Variants in CEACAM19 observed in about 807,000 individuals in gnomAD.
CEACAM19 encodes CEA cell adhesion molecule 19.
A neutral mutation model predicts 37.6 loss-of-function variants in CEACAM19; 37 were observed. That is an observed-to-expected ratio of 0.98 (90% confidence interval 0.76 to 1.29). The LOEUF (loss-of-function observed/expected upper bound fraction) is 1.29. CEACAM19 is among the 50% of genes most tolerant of loss of function. The pLI, the probability that CEACAM19 is intolerant of heterozygous loss-of-function variation, is 0.00. For synonymous variants in CEACAM19, 140 were observed against 149.8 expected (o/e 0.93, Z 0.48); for missense variants, 340 against 375.6 (o/e 0.91, Z 0.78).
At position 44,672,980 on chromosome 19, in the gene CEACAM19, T is replaced by G; in HGVS notation, c.424+16T>G. The G allele has an allele frequency of 6.9e-7, 1 of 1,459,414 alleles. No homozygotes were observed. The highest frequency in any genetic ancestry group is 9.1e-7 in the Non-Finnish European group (1 of 1,102,734). The allele number at this position is 1,459,414 out of a possible 1,614,324, so 90.4% of individuals were successfully genotyped here. ...CAGGTAGCTGGTAAGTGTTAGGGTCTGGGGATGAGGTGAGGAAGCTAATGA... is the reference window on the plus strand; with the variant it reads ...CAGGTAGCTGGTAAGTGTTAGGGTCGGGGGATGAGGTGAGGAAGCTAATGA... On this transcript the variant is annotated intron_variant, in intron 2 of 7. Coordinates refer to ENST00000358777, the MANE Select transcript of CEACAM19 (RefSeq NM_001127893.3).
At chr19:44,682,790 C>A (rs185503775) in intron 7 of CEACAM19, 170 bp downstream of exon 7, 9 of 593,398 alleles carry the variant, frequency 1.5e-5, no homozygotes, top group Non-Finnish European at 2.6e-5. Flanking sequence ...CCCTGAGAGA[C>A]CCTGGCAAGT....
intron 2 of CEACAM19, among the ~76,000 whole-genome samples, chr19:44,674,701 C>A (rs1228861350): frequency 6.6e-6 from 1 of 152,186 alleles, no homozygotes. Flanking sequence ...CCACCCCTGG[C>A]CCCTAGTTAA....
At position 44,680,305 on chromosome 19, in the gene CEACAM19, A is replaced by G; in HGVS notation, c.677A>G (p.Lys226Arg). The change falls in exon 5 of 8, where the codon AAG (lysine) becomes AGG (arginine). Residue 226 changes from lysine (K) to arginine (R), a missense_variant. Lys to Arg is a conservative substitution (Grantham distance 26). Coordinates refer to ENST00000358777, the MANE Select transcript of CEACAM19 (RefSeq NM_001127893.3). ...GTCCCCAGGATGGCGACCACAGAGA[A>G]GCCAGAATTGGGCCCTGCTCATGAT... ...TPSTWMATTE[K>R]PELGPAHDAG... 1.2e-6 allele frequency: 2 copies of G among 1,610,282 alleles called. No individual in the cohort carries two copies. The highest frequency in any genetic ancestry group is 1.7e-6 in the Non-Finnish European group (2 of 1,179,362).
At chr19:44,670,321 T>G (rs539209179), upstream of CEACAM19, among the ~76,000 whole-genome samples, 2 of 143,788 alleles carry the variant, frequency 1.4e-5, no homozygotes, top group Non-Finnish European at 3.1e-5. Flanking sequence ...AGACCCTGTC[T>G]TAAAAAAAAA....
chr19:44,670,856 G>A (rs948724664), upstream of CEACAM19, among the ~76,000 whole-genome samples: 129 of 150,524 alleles, frequency 8.6e-4, no homozygotes, highest in African/African-American at 3.1e-3. Context: ...AGCACTTTGG[G>A]AGGCCAAGGT....
chr19:44,680,503 GCA>G lies in CEACAM19; in HGVS notation c.706+171_706+172del, dbSNP rs1974037765. ...TCACCCACATAATCTGAGCGCATCG[GCA>G]CCCACCCCAAACCTGCTTTTTCTCT... On this transcript the variant is annotated intron_variant, in intron 5 of 7. Coordinates refer to ENST00000358777, the MANE Select transcript of CEACAM19 (RefSeq NM_001127893.3). 2.6e-5 allele frequency among the ~76,000 whole-genome samples: 4 copies of G among 151,456 alleles called. No individual in the cohort carries two copies. In the East Asian group the frequency reaches 7.8e-4, roughly 29 times the overall value.
In CEACAM19 at chr19:44,676,491, C is replaced by T. The variant is rs1973953570; in HGVS notation, c.575+70C>T. The T allele has an allele frequency of 2.8e-5, 41 of 1,457,282 alleles. 1 individual carries two copies. In the South Asian group the frequency reaches 4.4e-4, roughly 16 times the overall value. The allele number at this position is 1,457,282 out of a possible 1,614,324, so 90.3% of individuals were successfully genotyped here. ...TTCTCAAGCCCCATGGATTCTTCCA[C>T]AAGTCACATCATCCGGCTCATACAC... On this transcript the variant is annotated intron_variant, in intron 3 of 7. Coordinates refer to ENST00000358777, the MANE Select transcript of CEACAM19 (RefSeq NM_001127893.3).
chr19:44,668,387 T>C, upstream of CEACAM19, among the ~76,000 whole-genome samples: 1 of 53,256 alleles, frequency 1.9e-5, no homozygotes, highest in African/African-American at 7.4e-5. Context: ...ATATATATAA[T>C]ATATTTATAT....
chr19:44,672,190 T>C (rs1046086170), intron 1 of CEACAM19, among the ~76,000 whole-genome samples: 1 of 152,188 alleles, frequency 6.6e-6, no homozygotes, highest in Admixed American at 6.5e-5. Flanking sequence ...CAGGAATTTA[T>C]GTATGTTTGG....
At chr19:44,668,571 A>AATTATATAATTATATACATATATAATATG (rs1973795817), upstream of CEACAM19, among the ~76,000 whole-genome samples, 4 of 85,104 alleles carry the variant, frequency 4.7e-5, no homozygotes, top group South Asian at 1.4e-3. Flanking sequence ...CATATTATAT[A>AATTATATAATTATATACATATATAATATG]TGTATATAAT....
chr19:44,682,675 C>T lies in CEACAM19; in HGVS notation c.846+55C>T, dbSNP rs193184821. The T allele has an allele frequency of 2.5e-4, 381 of 1,527,860 alleles. 1 individual carries two copies. The highest frequency in any genetic ancestry group is 4.0e-4 in the Middle Eastern group (2 of 4,974). 94.6% of individuals were successfully genotyped at this position (1,527,860 alleles called of 1,614,324 possible). A position where few individuals can be genotyped will look rare whatever the true frequency, so the allele number is the denominator to read the frequency against. The stretch of plus-strand genomic sequence containing the variant: ...GGGGATCCCACGGATCCAGGAGCCC[C>T]GAAGCCGGGGTGGGGAGGGGTCAAG... On this transcript the variant is annotated intron_variant, in intron 7 of 7. Transcript: ENST00000358777.
chr19:44,679,835 C>A (rs183857112), intron 4 of CEACAM19, among the ~76,000 whole-genome samples: 2 of 152,106 alleles, frequency 1.3e-5, no homozygotes, highest in African/African-American at 2.4e-5. Context: ...GAGGCTGAGG[C>A]AGGAGAATCG....
chr19:44,674,918 G>A (rs1303677317), intron 2 of CEACAM19, among the ~76,000 whole-genome samples: 1 of 152,082 alleles, frequency 6.6e-6, no homozygotes, highest in Non-Finnish European at 1.5e-5. Context: ...CAGGTCACAG[G>A]TGCCCCCTTT....
At chr19:44,681,496 G>A (rs958637373) in intron 6 of CEACAM19, among the ~76,000 whole-genome samples, 184 bp downstream of exon 6, 4 of 152,170 alleles carry the variant, frequency 2.6e-5, no homozygotes, top group African/African-American at 9.7e-5. Flanking sequence ...AACAGAAGCA[G>A]CATTTGTCTC....
At chr19:44,666,963 G>A (rs533504514), upstream of CEACAM19, 1 of 151,936 alleles carries the variant, frequency 6.6e-6, no homozygotes, top group African/African-American at 2.4e-5. Context: ...TCCAGGGGAG[G>A]AGGCTGAGGC....
rs1264579530 is a variant in CEACAM19 at position 44,671,920 on chromosome 19, C to T, written c.-12C>T. ...AGCTCGTGGCCCCTTGGCATTTCCA[C>T]AAGACGCCAAGATGGAGATTCCCAT... On this transcript the variant is annotated 5_prime_UTR_variant, in exon 1 of 8. Coordinates refer to ENST00000358777, the MANE Select transcript of CEACAM19 (RefSeq NM_001127893.3). 1.2e-6 allele frequency: 2 copies of T among 1,602,180 alleles called. No homozygotes were observed. The highest frequency in any genetic ancestry group is 1.7e-6 in the Non-Finnish European group (2 of 1,174,470).
upstream of CEACAM19, among the ~76,000 whole-genome samples, chr19:44,669,441 A>G (rs937170577): frequency 3.9e-5 from 6 of 152,082 alleles, no homozygotes; most frequent in Non-Finnish European, 7.4e-5. Flanking sequence ...ATATTTAAAT[A>G]GCCACATATG....
Position 44,683,448 on chromosome 19 carries a change from C to T in CEACAM19, c.858C>T (p.Asn286=). The change falls in exon 8 of 8, where the codon AAC becomes AAT. Residue 286 remains asparagine (N), a synonymous_variant. Transcript: ENST00000358777. ...PENHQYQDLL[N]PDPAPYCQLV... ...TTCCCCCCAAGCAGGACCTGCTAAACCCCGACCCTGCCCCCTACTGCCAGC... is the reference window on the plus strand; with the variant it reads ...TTCCCCCCAAGCAGGACCTGCTAAATCCCGACCCTGCCCCCTACTGCCAGC... 2 of 1,561,710 alleles carry T rather than the reference C, an allele frequency of 1.3e-6. No homozygotes were observed. The highest frequency in any genetic ancestry group is 1.7e-4 in the Middle Eastern group (1 of 5,950).
Position 44,678,897 on chromosome 19 carries a change from C to G in CEACAM19, c.620C>G (p.Ser207Trp). 5.0e-6 allele frequency: 8 copies of G among 1,614,024 alleles called. No homozygotes were observed. The highest frequency in any genetic ancestry group is 6.8e-6 in the Non-Finnish European group (8 of 1,179,998). Residue 207 changes from serine (S) to tryptophan (W), a missense_variant, in exon 4 of 8, where the codon TCG becomes TGG. Coordinates refer to ENST00000358777, the MANE Select transcript of CEACAM19 (RefSeq NM_001127893.3). The part of the protein sequence containing the change: ...RGQGSLSILC[S>W]AVSPVPSVTP... ...CAGGGATCTCTGTCCATCTTGTGCT[C>G]GGCTGTATCCCCAGTGCCTTCAGTG...
Sources: gnomAD v4.1 joint callset for allele counts (sites outside exome capture counted in the v4.1 genomes callset) on GRCh38, gnomAD v4.1.1 for gene constraint, MANE v1.5 for transcripts, NCBI Gene and HGNC (gene_info 2026-07-23, HGNC 2026-07-21) for gene names.